The following ADK variants were observed in gnomAD, a reference collection of about 807,000 sequenced individuals.
ADK encodes N6,N6-dimethyladenosine kinase.
A neutral mutation model predicts 44.7 loss-of-function variants in ADK; 24 were observed. That is an observed-to-expected ratio of 0.54 (90% confidence interval 0.39 to 0.76). The LOEUF (loss-of-function observed/expected upper bound fraction) is 0.76, where lower values mean the gene tolerates loss of function less well. Among genes scored for constraint, ADK ranks in the 30% least tolerant of loss-of-function variants. The pLI is 0.00. For synonymous variants in ADK, 128 were observed against 142.6 expected, an observed-to-expected ratio of 0.90 and a Z score of 0.73; for missense variants, 321 against 425.1, an observed-to-expected ratio of 0.76 and a Z score of 2.15.
chr10:74,152,538 C>T (rs960371547), intron 1 of ADK, among the ~76,000 whole-genome samples: 8 of 152,184 alleles, frequency 5.3e-5, no homozygotes, highest in Admixed American at 2.0e-4. Flanking sequence ...GCACCTCCTT[C>T]GCCAAACTGG....
chr10:74,198,224 TTGTC>T (rs1348141744), intron 1 of ADK, among the ~76,000 whole-genome samples: 5 of 152,208 alleles, frequency 3.3e-5, no homozygotes, highest in Admixed American at 1.3e-4. Flanking sequence ...TTTACTGTAT[TTGTC>T]TGTTGATCCT....
Position 74,708,998 on chromosome 10 carries a change from A to G in ADK, c.*553A>G, listed in dbSNP as rs770273844. On this transcript the variant is annotated 3_prime_UTR_variant, in exon 11 of 11. Coordinates refer to ENST00000539909, the MANE Select transcript of ADK (RefSeq NM_006721.4). ...CAAATAATCTCTTTAATGTGCACTC[A>G]AACATGTAATAAACTTTGGATAATT... The G allele has an allele frequency of 5.2e-5, 8 of 153,828 alleles. No homozygotes were observed. Among genetic ancestry groups the G allele is most frequent in the Non-Finnish European group, 1.0e-4 (7 of 69,196 alleles). The allele number at this position is 153,828 out of a possible 1,614,324, so 9.5% of individuals were successfully genotyped here. A position where few individuals can be genotyped will look rare whatever the true frequency, so the allele number is the denominator to read the frequency against.
At chr10:74,460,437 CAT>C (rs1307138689) in intron 6 of ADK, among the ~76,000 whole-genome samples, 18 of 152,110 alleles carry the variant, frequency 1.2e-4, no homozygotes, top group African/African-American at 2.9e-4. Flanking sequence ...ATTACACACA[CAT>C]GTGTAGTATT....
intron 1 of ADK, among the ~76,000 whole-genome samples, chr10:74,156,168 A>G (rs2132028021): frequency 6.6e-6 from 1 of 152,308 alleles, no homozygotes; most frequent in African/African-American, 2.4e-5. Flanking sequence ...CTTGAAACTC[A>G]GGGAAAGTGG....
intron 4 of ADK, among the ~76,000 whole-genome samples, chr10:74,328,915 A>G (rs1841113472): frequency 1.3e-5 from 2 of 152,004 alleles, no homozygotes; most frequent in Admixed American, 6.6e-5. Context: ...CTGAGTTCCA[A>G]GAGATCCAGG....
intron 10 of ADK, among the ~76,000 whole-genome samples, chr10:74,707,769 A>G (rs1856659134): frequency 6.6e-6 from 1 of 151,510 alleles, no homozygotes; most frequent in Admixed American, 6.6e-5. Flanking sequence ...ACCTCAAAAA[A>G]AAAAAAAAAA....
At chr10:74,218,728 A>G (rs1218366621) in intron 2 of ADK, among the ~76,000 whole-genome samples, 5 of 152,220 alleles carry the variant, frequency 3.3e-5, no homozygotes, top group Admixed American at 6.5e-5. Flanking sequence ...ATTCTTAAAG[A>G]AAAGAATTTT....
chr10:74,551,271 T>C (rs1850027357), intron 7 of ADK: 1 of 152,220 alleles, frequency 6.6e-6, no homozygotes, highest in South Asian at 2.1e-4. Flanking sequence ...TATATGATTG[T>C]ACATAAATGT....
intron 7 of ADK, among the ~76,000 whole-genome samples, chr10:74,573,738 T>C (rs192412703): frequency 6.6e-6 from 1 of 152,158 alleles, no homozygotes; most frequent in Non-Finnish European, 1.5e-5. Flanking sequence ...GCCTCGCTGC[T>C]GCCTTGCAGT....
chr10:74,648,732 G>T (rs1424927989), intron 9 of ADK, among the ~76,000 whole-genome samples: 1 of 151,992 alleles, frequency 6.6e-6, no homozygotes, highest in East Asian at 1.9e-4. Context: ...GGAAAGACAT[G>T]TAAAATATGT....
chr10:74,297,477 T>C (rs1839859093), intron 3 of ADK, among the ~76,000 whole-genome samples: 1 of 152,232 alleles, frequency 6.6e-6, no homozygotes, highest in Non-Finnish European at 1.5e-5. Flanking sequence ...TTTCAGAACC[T>C]GTTCACATTA....
chr10:74,384,431 A>T (rs1170291365), intron 4 of ADK, among the ~76,000 whole-genome samples: 1 of 152,242 alleles, frequency 6.6e-6, no homozygotes, highest in Non-Finnish European at 1.5e-5. Context: ...GCACTTTGGG[A>T]GGCCGAGGTG....
intron 4 of ADK, among the ~76,000 whole-genome samples, chr10:74,368,635 T>C (rs1437268239): frequency 7.0e-6 from 1 of 143,438 alleles, no homozygotes; most frequent in Non-Finnish European, 1.5e-5. Flanking sequence ...TGAAATATTC[T>C]TTTTTTTTTT....
At chr10:74,286,436 C>G (rs908895251) in intron 3 of ADK, among the ~76,000 whole-genome samples, 7 of 152,198 alleles carry the variant, frequency 4.6e-5, no homozygotes, top group Non-Finnish European at 1.0e-4. Flanking sequence ...CTCAAGGGCC[C>G]AGGCACATTC....
chr10:74,188,343 A>ATTTTTTTTTT (rs765922880), intron 1 of ADK, among the ~76,000 whole-genome samples: 4 of 81,364 alleles, frequency 4.9e-5, no homozygotes, highest in East Asian at 3.3e-4. Flanking sequence ...TGTATTTTTA[A>ATTTTTTTTTT]TTTTTTTTTT....
chr10:74,256,634 A>G lies in ADK; in HGVS notation c.194+32043A>G, dbSNP rs528244791. Reference sequence around the variant, plus strand: ...GACTACTCTTTCCATTTACCATGATAACTGGTAAAATGTGAGATGGTGATT... The same window carrying G: ...GACTACTCTTTCCATTTACCATGATGACTGGTAAAATGTGAGATGGTGATT... On this transcript the variant is annotated intron_variant, in intron 3 of 10. Coordinates refer to ENST00000539909, the MANE Select transcript of ADK (RefSeq NM_006721.4). Among the ~76,000 whole-genome samples the G allele has an allele frequency of 2.0e-5, 3 of 152,284 alleles. No homozygotes were observed. The South Asian group carries it at 6.2e-4, about 32-fold the overall frequency.
chr10:74,506,273 A>C (rs953602553), intron 6 of ADK: 2 of 208,986 alleles, frequency 9.6e-6, no homozygotes, highest in Non-Finnish European at 1.9e-5. Context: ...TGGTCCTTAC[A>C]CTGGATTCAT....
intron 10 of ADK, among the ~76,000 whole-genome samples, chr10:74,674,351 T>C (rs1452293932): frequency 6.6e-6 from 1 of 152,166 alleles, no homozygotes; most frequent in East Asian, 1.9e-4. Context: ...TAACAGCTGT[T>C]GGCTTGACAC....
chr10:74,550,290 C>T (rs368525147), intron 7 of ADK, among the ~76,000 whole-genome samples: 14 of 152,046 alleles, frequency 9.2e-5, no homozygotes, highest in African/African-American at 1.7e-4. Context: ...AGGCTGGTCT[C>T]GAACTCCTGA....
Sources: allele counts gnomAD v4.1 joint callset (sites outside exome capture counted in the v4.1 genomes callset), GRCh38; gene constraint gnomAD v4.1.1; transcripts MANE v1.5; gene names NCBI Gene and HGNC (gene_info 2026-07-23, HGNC 2026-07-21).